GRIK4: variants seen among roughly 807,000 people sequenced by gnomAD.
GRIK4 encodes the protein glutamate receptor ionotropic, kainate 4.
A neutral mutation model predicts 104.9 loss-of-function variants in GRIK4; 40 were observed. The observed-to-expected ratio is 0.38, with a 90% CI of 0.30 to 0.50. The LOEUF is 0.50. GRIK4 is among the 20% of genes least tolerant of loss of function. The pLI, the probability that GRIK4 is intolerant of heterozygous loss-of-function variation, is 0.93. For missense variants in GRIK4, 1,047 were observed against 1,308.1 expected (o/e 0.80, Z 3.08); for synonymous variants, 485 against 524.9 (o/e 0.92, Z 1.04).
intron 3 of GRIK4, among the ~76,000 whole-genome samples, chr11:120,711,260 A>G (rs1260188209): frequency 2.0e-5 from 3 of 152,328 alleles, no homozygotes; most frequent in South Asian, 4.1e-4. Flanking sequence ...TGAGAGTAGA[A>G]TGAGCATTTC....
intron 3 of GRIK4, among the ~76,000 whole-genome samples, chr11:120,785,822 T>C (rs1952258135): frequency 6.6e-6 from 1 of 152,176 alleles, no homozygotes; most frequent in African/African-American, 2.4e-5. Flanking sequence ...ATGCGCATCC[T>C]CCTGGTGGCT....
At chr11:120,633,082 C>T (rs892786839) in intron 1 of GRIK4, among the ~76,000 whole-genome samples, 3 of 152,010 alleles carry the variant, frequency 2.0e-5, no homozygotes, top group Admixed American at 6.6e-5. Flanking sequence ...GTGCCCTTTG[C>T]CTTGGGTGGC....
At position 120,666,719 on chromosome 11, in the gene GRIK4, G is replaced by A. The variant is rs552536091; in HGVS notation, c.82+6319G>A. Among the ~76,000 whole-genome samples the A allele has an allele frequency of 9.8e-5, 15 of 152,290 alleles. No individual in the cohort carries two copies. In the South Asian group the frequency reaches 1.5e-3, roughly 15 times the overall value. The stretch of plus-strand genomic sequence containing the variant: ...GCCTGAGTATCTCCAGGTTTTCAAC[G>A]AATATTATGGGCTGATGGTATCTAT... On this transcript the variant is annotated intron_variant, in intron 3 of 20. Coordinates refer to ENST00000527524, the MANE Select transcript of GRIK4 (RefSeq NM_014619.5).
intron 3 of GRIK4, among the ~76,000 whole-genome samples, chr11:120,790,656 G>T (rs555163355): frequency 6.6e-6 from 1 of 152,316 alleles, no homozygotes; most frequent in Non-Finnish European, 1.5e-5. Flanking sequence ...GGGCCTGAGG[G>T]CCAGGCAGGT....
At chr11:120,746,554 C>T (rs1469460841) in intron 3 of GRIK4, among the ~76,000 whole-genome samples, 2 of 152,100 alleles carry the variant, frequency 1.3e-5, no homozygotes, top group African/African-American at 2.4e-5. Context: ...CCAGGGTCAA[C>T]GAATGTGGAG....
rs1328764972 is a variant in GRIK4, at chr11:120,902,076, T to C, written c.1273-3214T>C. Among the ~76,000 whole-genome samples the C allele has an allele frequency of 6.6e-6, 1 of 152,224 alleles. No homozygotes were observed. Among genetic ancestry groups the C allele is most frequent in the East Asian group, 1.9e-4 (1 of 5,198 alleles). ...CAGGTGACCATCTGTGGGTTTTCCC[T>C]GGCAAATGGTAATCCCGAATGATTT... On this transcript the variant is annotated intron_variant, in intron 12 of 20. Transcript: ENST00000527524. The surrounding 1 kb of genome is among the most constrained non-coding windows in gnomAD (Gnocchi z 4.5).
At position 120,699,879 on chromosome 11, in the gene GRIK4, A is replaced by T. The variant is rs1365416242; in HGVS notation, c.82+39479A>T. The stretch of plus-strand genomic sequence containing the variant: ...TCCATGTGGCCAGTTTGTATCAGCA[A>T]GGGCCGCAGCAGCAGGAGATAGTCA... On this transcript the variant is annotated intron_variant, in intron 3 of 20. Coordinates refer to ENST00000527524, the MANE Select transcript of GRIK4 (RefSeq NM_014619.5). Among the ~76,000 whole-genome samples, 4 of 152,346 alleles carry T rather than the reference A, an allele frequency of 2.6e-5. No homozygotes were observed. In the East Asian group the frequency reaches 5.8e-4, roughly 22 times the overall value.
Position 120,905,205 on chromosome 11 carries a change from C to A in GRIK4, c.1273-85C>A. ...CCTTCTGCCCCATGTCCTCCCCGAC[C>A]CTCTGTGCCCCTGGCCCTCCCCATC... On this transcript the variant is annotated intron_variant, in intron 12 of 20. Transcript: ENST00000527524. This position sits in a 1 kb window ranked among gnomAD's most constrained non-coding sequence, Gnocchi z 5.1. 3 of 970,100 alleles carry A rather than the reference C, an allele frequency of 3.1e-6. No homozygotes were observed. The highest frequency in any genetic ancestry group is 5.0e-6 in the Non-Finnish European group (3 of 600,900). The allele number at this position is 970,100 out of a possible 1,614,324, so 60.1% of individuals were successfully genotyped here.
chr11:120,511,751 C>T lies in GRIK4; in HGVS notation c.-295C>T. On this transcript the variant is annotated 5_prime_UTR_variant, in exon 1 of 21. Transcript: ENST00000527524. ...GGGCTCGCTCGCAGCCGGACACAGA[C>T]TGCCTTCAGCTGCGGGCGGATCGGG... 3.2e-6 allele frequency: 1 copy of T among 310,204 alleles called. No homozygotes were observed. The highest frequency in any genetic ancestry group is 6.5e-6 in the Non-Finnish European group (1 of 152,734). 19.2% of individuals were successfully genotyped at this position (310,204 alleles called of 1,614,324 possible). A position where few individuals can be genotyped will look rare whatever the true frequency, so the allele number is the denominator to read the frequency against.
chr11:120,804,097 A>G (rs1408281512), intron 4 of GRIK4, among the ~76,000 whole-genome samples: 1 of 152,182 alleles, frequency 6.6e-6, no homozygotes, highest in Non-Finnish European at 1.5e-5. Flanking sequence ...ACTTGTGGCT[A>G]AGCTGGAAAT....
At chr11:120,637,157 A>C (rs1208661282) in intron 1 of GRIK4, among the ~76,000 whole-genome samples, 1 of 149,712 alleles carries the variant, frequency 6.7e-6, no homozygotes, top group Non-Finnish European at 1.5e-5. Flanking sequence ...GAGAGAGAGA[A>C]CCATGAACAC....
intron 18 of GRIK4, 95 bp downstream of exon 18, chr11:120,962,776 C>A: frequency 1.3e-6 from 1 of 780,032 alleles, no homozygotes; most frequent in Non-Finnish European, 2.2e-6. Flanking sequence ...CCAGTACCCC[C>A]TGTTGTTAGA....
intron 3 of GRIK4, among the ~76,000 whole-genome samples, chr11:120,780,488 AT>A (rs1293092325): frequency 2.0e-5 from 3 of 152,210 alleles, no homozygotes; most frequent in Non-Finnish European, 4.4e-5. Context: ...GCTGAATCAT[AT>A]TCCGTTGTAT....
chr11:120,877,639 C>T (rs1225022504), intron 11 of GRIK4, among the ~76,000 whole-genome samples: 2 of 152,142 alleles, frequency 1.3e-5, no homozygotes, highest in African/African-American at 4.8e-5. Context: ...AAAGTGGCTG[C>T]TTTTGTGGAG....
At chr11:120,671,330 G>A (rs1395302825) in intron 3 of GRIK4, among the ~76,000 whole-genome samples, 2 of 152,206 alleles carry the variant, frequency 1.3e-5, no homozygotes, top group Non-Finnish European at 1.5e-5. Flanking sequence ...CAGTGTAAAA[G>A]CATTACTATT....
intron 1 of GRIK4, among the ~76,000 whole-genome samples, chr11:120,608,826 C>T (rs1258727893): frequency 6.6e-6 from 1 of 152,124 alleles, no homozygotes; most frequent in Non-Finnish European, 1.5e-5. Context: ...CTTGGATGCT[C>T]CTTCTTCAAG....
chr11:120,927,565 C>CAAAAAAAAAAAAAA (rs56223442), intron 13 of GRIK4, among the ~76,000 whole-genome samples: 1 of 101,596 alleles, frequency 9.8e-6, no homozygotes, highest in Non-Finnish European at 1.9e-5. Context: ...GACTCTGTCT[C>CAAAAAAAAAAAAAA]AAAAAAAAAA....
At chr11:120,926,621 C>T (rs973666773) in intron 13 of GRIK4, among the ~76,000 whole-genome samples, 4 of 152,204 alleles carry the variant, frequency 2.6e-5, no homozygotes, top group African/African-American at 9.6e-5. Context: ...ACTACAAAAT[C>T]GTTCCCTCAG....
chr11:120,759,539 G>A (rs1951710161), intron 3 of GRIK4, among the ~76,000 whole-genome samples: 1 of 151,286 alleles, frequency 6.6e-6, no homozygotes, highest in Non-Finnish European at 1.5e-5. Flanking sequence ...AGTCTAACAT[G>A]AGAGTAAGAA....
Sources: gnomAD v4.1 joint callset for allele counts (sites outside exome capture counted in the v4.1 genomes callset) on GRCh38, gnomAD v4.1.1 for gene constraint, Gnocchi (gnomAD v3.1) non-coding constraint, MANE v1.5 for transcripts, NCBI Gene and HGNC (gene_info 2026-07-23, HGNC 2026-07-21) for gene names.